Variants in BANP observed in about 807,000 individuals in gnomAD.
BANP encodes BTG3 associated nuclear protein.
In BANP, 11 loss-of-function variants were observed where a neutral mutation model predicts 68.1. The ratio of observed to expected loss-of-function variants is 0.16; its 90% confidence interval spans 0.10 to 0.27. The LOEUF (loss-of-function observed/expected upper bound fraction) is 0.27, where lower values mean the gene tolerates loss of function less well. BANP is among the 10% of genes least tolerant of loss of function. The probability of loss-of-function intolerance (pLI) is 1.00; values close to 1 mark genes in which losing one functional copy is unlikely to be tolerated. For synonymous variants in BANP, 329 were observed against 303.2 expected, an observed-to-expected ratio of 1.09 and a Z score of -0.88; for missense variants, 504 against 722.7, an observed-to-expected ratio of 0.70 and a Z score of 3.47.
chr16:87,972,452 T>G (rs2061302284), intron 1 of BANP, among the ~76,000 whole-genome samples: 1 of 131,982 alleles, frequency 7.6e-6, no homozygotes, highest in African/African-American at 3.5e-5. Context: ...TTCGTCTTTT[T>G]GGGGGATATA....
At position 87,996,648 on chromosome 16, in the gene BANP, A is replaced by G. The variant is rs375664706; in HGVS notation, c.363-7647A>G. ...TTGCTGGGCCCTCGTCCTGGGCGCC[A>G]GCTGGGCTCTGGTTCTGAGTGTTGC... On this transcript the variant is annotated intron_variant, in intron 4 of 13. Coordinates refer to ENST00000682872, the MANE Select transcript of BANP (RefSeq NM_001386991.1). Among the ~76,000 whole-genome samples the G allele has an allele frequency of 3.1e-4, 40 of 130,858 alleles. 2 individuals carry two copies. The East Asian group carries it at 3.4e-3, about 11-fold the overall frequency. 85.8% of individuals were successfully genotyped at this position (130,858 alleles called of 152,430 possible).
rs150631145 is a variant in BANP, at chr16:88,048,315, T to C, written c.1311+10304T>C. On this transcript the variant is annotated intron_variant, in intron 11 of 13. Transcript: ENST00000682872. ...TAACTAATCTGCCTCATTGAGGAGA[T>C]TGCAGCACAATTGTAGAACTAAATA... is the stretch of plus-strand genomic sequence containing the variant. Among the ~76,000 whole-genome samples, 495 of 152,308 alleles carry C rather than the reference T, an allele frequency of 3.2e-3. 2 individuals carry two copies. The highest frequency in any genetic ancestry group is 6.1e-3 in the Non-Finnish European group (412 of 68,030).
intron 2 of BANP, among the ~76,000 whole-genome samples, chr16:87,978,925 C>G (rs8052593): frequency 0.29 from 43,746 of 152,114 alleles, 7,454 homozygotes; most frequent in East Asian, 0.49. Flanking sequence ...TGGTCCCAAC[C>G]TCCTTCCTTT....
intron 7 of BANP, among the ~76,000 whole-genome samples, chr16:88,025,048 G>C (rs930166126): frequency 1.3e-5 from 2 of 152,188 alleles, no homozygotes; most frequent in African/African-American, 4.8e-5. Context: ...GTGAAGGTGG[G>C]AGGGTCACAG....
At chr16:87,951,385 C>G (rs1044755789), upstream of BANP, 12 of 151,336 alleles carry the variant, frequency 7.9e-5, no homozygotes, top group African/African-American at 2.9e-4. Context: ...TGAGCCTGCG[C>G]GGAGGGCGGG....
intron 11 of BANP, among the ~76,000 whole-genome samples, chr16:88,038,962 T>C (rs192489000): frequency 3.7e-4 from 56 of 152,336 alleles, no homozygotes; most frequent in African/African-American, 1.0e-3. Flanking sequence ...GAAACCTGCA[T>C]GCGTTCTCTT....
intron 1 of BANP, among the ~76,000 whole-genome samples, chr16:87,961,607 T>C (rs750939005): frequency 6.6e-6 from 1 of 152,220 alleles, no homozygotes; most frequent in Admixed American, 6.5e-5. Flanking sequence ...TTATCCCTCT[T>C]CTCATTAAGG....
rs532258676 is a variant in BANP, at chr16:88,021,564, G to A, written c.895+2897G>A. ...CAGGCTAGGCGTGCCTGCGTGGCTC[G>A]TGCTTAGACGGAATTGCTGAAACGT... On this transcript the variant is annotated intron_variant, in intron 7 of 13. Transcript: ENST00000682872. Among the ~76,000 whole-genome samples the A allele has an allele frequency of 1.5e-4, 23 of 152,334 alleles. No individual in the cohort carries two copies. In the South Asian group the frequency reaches 4.1e-3, roughly 27 times the overall value.
intron 8 of BANP, among the ~76,000 whole-genome samples, chr16:88,029,634 G>A (rs1350300777): frequency 6.6e-6 from 1 of 151,284 alleles, no homozygotes; most frequent in Non-Finnish European, 1.5e-5. Context: ...AAAAGTCAAG[G>A]AGAGGAGGTT....
intron 11 of BANP, among the ~76,000 whole-genome samples, chr16:88,047,447 G>A (rs1401104130): frequency 2.0e-5 from 3 of 152,212 alleles, no homozygotes; most frequent in Admixed American, 6.5e-5. Context: ...TTGGCCCCCT[G>A]CTTGGGTGTG....
chr16:87,964,230 C>T lies in BANP; in HGVS notation c.-68-10818C>T, dbSNP rs984866290. On this transcript the variant is annotated intron_variant, in intron 1 of 13. Coordinates refer to ENST00000682872, the MANE Select transcript of BANP (RefSeq NM_001386991.1). Reference sequence around the variant, plus strand: ...TGGGGAATGACGTCAGTGGTGTGTTCTCACTGGACTCATCACAGACGTATT... The same window carrying T: ...TGGGGAATGACGTCAGTGGTGTGTTTTCACTGGACTCATCACAGACGTATT... Among the ~76,000 whole-genome samples the T allele has an allele frequency of 2.0e-5, 3 of 152,242 alleles. 1 individual carries two copies. Among genetic ancestry groups the T allele is most frequent in the African/African-American group, 7.2e-5 (3 of 41,458 alleles).
chr16:87,976,692 T>C lies in BANP; in HGVS notation c.70+1507T>C, dbSNP rs543443024. ...ATGTCCGTTCATATGATCTGTTTGC[T>C]TTGTTAGTCGAGAAAACTACCTTTG... On this transcript the variant is annotated intron_variant, in intron 2 of 13. Transcript: ENST00000682872. 3.3e-5 allele frequency among the ~76,000 whole-genome samples: 5 copies of C among 152,282 alleles called. No homozygotes were observed. The East Asian group carries it at 9.7e-4, about 29-fold the overall frequency.
intron 13 of BANP, among the ~76,000 whole-genome samples, chr16:88,073,184 T>A (rs557988368): frequency 1.3e-5 from 2 of 152,366 alleles, no homozygotes; most frequent in South Asian, 4.1e-4. Context: ...GAGCTCACGC[T>A]CACCAGGGTG....
intron 7 of BANP, among the ~76,000 whole-genome samples, chr16:88,026,005 G>A (rs1373995826): frequency 6.6e-6 from 1 of 152,224 alleles, no homozygotes; most frequent in Admixed American, 6.5e-5. Flanking sequence ...GGCCTAGTGG[G>A]AAGTGGCCGG....
Position 88,057,251 on chromosome 16 carries a change from C to G in BANP, c.1312-8016C>G, listed in dbSNP as rs1442008830. On this transcript the variant is annotated intron_variant, in intron 11 of 13. Coordinates refer to ENST00000682872, the MANE Select transcript of BANP (RefSeq NM_001386991.1). This position sits in a 1 kb window ranked among gnomAD's most constrained non-coding sequence, Gnocchi z 4.6. ...GGGTACGGGCCAGCCGCCAAGAGCT[C>G]ACCCAGCGCGCCTGTTGCTTTGGGT... 6.6e-6 allele frequency among the ~76,000 whole-genome samples: 1 copy of G among 152,216 alleles called. No individual in the cohort carries two copies. The highest frequency in any genetic ancestry group is 6.5e-5 in the Admixed American group (1 of 15,286).
At chr16:87,987,973 A>T (rs1185154828) in intron 4 of BANP, among the ~76,000 whole-genome samples, 2 of 152,100 alleles carry the variant, frequency 1.3e-5, no homozygotes, top group African/African-American at 4.8e-5. Context: ...CATGTTGTAC[A>T]GGCTGGGCAT....
intron 1 of BANP, chr16:87,963,607 G>A (rs1202139065): frequency 4.6e-5 from 7 of 152,228 alleles, no homozygotes; most frequent in Non-Finnish European, 7.3e-5. Context: ...CTTTTCTTAA[G>A]GGTTGATGGA....
At position 87,951,756 on chromosome 16, in the gene BANP, C is replaced by G. The variant is rs1196082707; in HGVS notation, c.-69+241C>G. ...TTCCGCACCCCCGGCCCCACCGCGC[C>G]CGGCGTCCGTTGAGCCGCGGCTGCC... On this transcript the variant is annotated intron_variant, in intron 1 of 13. Transcript: ENST00000682872. 4.0e-5 allele frequency among the ~76,000 whole-genome samples: 6 copies of G among 151,630 alleles called. 1 individual carries two copies. In the East Asian group the frequency reaches 1.2e-3, roughly 29 times the overall value.
intron 1 of BANP, among the ~76,000 whole-genome samples, chr16:87,968,077 T>G (rs1302607590): frequency 7.3e-6 from 1 of 137,854 alleles, no homozygotes; most frequent in Non-Finnish European, 1.5e-5. Context: ...CAGGTTTTTT[T>G]GCCTTTTTTT....
Sources: gnomAD v4.1 joint callset for allele counts (sites outside exome capture counted in the v4.1 genomes callset) on GRCh38, gnomAD v4.1.1 for gene constraint, Gnocchi (gnomAD v3.1) non-coding constraint, MANE v1.5 for transcripts, NCBI Gene and HGNC (gene_info 2026-07-23, HGNC 2026-07-21) for gene names.